The following COL27A1 variants were observed in gnomAD, a reference collection of about 807,000 sequenced individuals.
COL27A1 encodes collagen type XXVII alpha 1 chain, also known as collagen alpha-1(XXVII) chain.
A neutral mutation model predicts 251.3 loss-of-function variants in COL27A1; 106 were observed. That is an observed-to-expected ratio of 0.42 (90% CI 0.36 to 0.50). The LOEUF (loss-of-function observed/expected upper bound fraction) is 0.50. COL27A1 is among the 20% of genes least tolerant of loss of function. The probability of loss-of-function intolerance (pLI) is 0.00; values close to 1 mark genes in which losing one functional copy is unlikely to be tolerated. For missense variants in COL27A1, 2,325 were observed against 2,522.8 expected, an observed-to-expected ratio of 0.92 and a Z score of 1.68; for synonymous variants, 1,000 against 986.3, an observed-to-expected ratio of 1.01 and a Z score of -0.26.
intron 24 of COL27A1, among the ~76,000 whole-genome samples, chr9:114,248,227 C>T (rs1324631713): frequency 2.6e-5 from 4 of 152,196 alleles, no homozygotes; most frequent in African/African-American, 9.6e-5. Context: ...GGCTGCCAGG[C>T]CCTGGCCGAG....
intron 21 of COL27A1, among the ~76,000 whole-genome samples, chr9:114,241,544 G>A (rs928777669): frequency 4.6e-5 from 7 of 152,230 alleles, no homozygotes; most frequent in Admixed American, 2.0e-4. Context: ...CTCATGGGCC[G>A]GAAGCGGGAA....
At chr9:114,267,696 G>A in intron 34 of COL27A1, 139 bp downstream of exon 34, 1 of 836,132 alleles carries the variant, frequency 1.2e-6, no homozygotes, top group Non-Finnish European at 1.9e-6. Context: ...CTGGGGAGTG[G>A]GGCCTGGTTA....
At chr9:114,202,459 C>T (rs1181875656) in intron 7 of COL27A1, among the ~76,000 whole-genome samples, 1 of 152,184 alleles carries the variant, frequency 6.6e-6, no homozygotes, top group Non-Finnish European at 1.5e-5. Context: ...CTCCATTCAG[C>T]TCTTCACTGG....
chr9:114,173,340 A>G (rs771316784), intron 3 of COL27A1, among the ~76,000 whole-genome samples: 3 of 152,246 alleles, frequency 2.0e-5, no homozygotes, highest in Non-Finnish European at 4.4e-5. Flanking sequence ...GTGCTCTGTG[A>G]CTATCTATCT....
intron 3 of COL27A1, among the ~76,000 whole-genome samples, chr9:114,170,276 G>C (rs570337239): frequency 6.6e-6 from 1 of 152,244 alleles, no homozygotes; most frequent in Non-Finnish European, 1.5e-5. Context: ...GAAAGAACAC[G>C]ATTTGCAGGA....
chr9:114,300,197 C>A, intron 50 of COL27A1, 74 bp downstream of exon 50: 1 of 1,455,402 alleles, frequency 6.9e-7, no homozygotes, highest in Non-Finnish European at 9.6e-7. Context: ...ATTCATTCAA[C>A]AAATATTTAT....
In COL27A1 at chr9:114,300,670, G is replaced by T. The variant is rs1384217971; in HGVS notation, c.4684G>T (p.Gly1562Trp). ...CTTCAAAGGCATCCAGGGCCCTCGGGGGCCACCTGGCTTGATGGTGAGTTC... is the reference window on the plus strand; with the variant it reads ...CTTCAAAGGCATCCAGGGCCCTCGGTGGCCACCTGGCTTGATGGTGAGTTC... The part of the protein sequence containing the change: ...IGFKGIQGPR[G>W]PPGLMGKEGI... The change falls in exon 51 of 61, where the codon GGG becomes TGG. Residue 1562 changes from glycine to tryptophan, a missense_variant. Around this residue, in one of 4 missense-constraint regions of COL27A1, gnomAD observed 327 missense variants for 442.8 expected, o/e 0.74. Coordinates refer to ENST00000356083, the MANE Select transcript of COL27A1 (RefSeq NM_032888.4). The T allele has an allele frequency of 1.3e-6, 2 of 1,513,232 alleles. No homozygotes were observed. The highest frequency in any genetic ancestry group is 2.3e-5 in the Admixed American group (1 of 43,066). 93.7% of individuals were successfully genotyped at this position (1,513,232 alleles called of 1,614,324 possible). A position where few individuals can be genotyped will look rare whatever the true frequency, so the allele number is the denominator to read the frequency against.
chr9:114,246,346 T>C (rs1833130114), intron 24 of COL27A1, among the ~76,000 whole-genome samples: 1 of 151,310 alleles, frequency 6.6e-6, no homozygotes, highest in South Asian at 2.1e-4. Context: ...GAAGATGAAA[T>C]CCAAACCAGT....
chr9:114,228,695 G>A lies in COL27A1; in HGVS notation c.2467-2384G>A, dbSNP rs79514899. On this transcript the variant is annotated intron_variant, in intron 14 of 60. Transcript: ENST00000356083. ...ATGGGCTGTGGTGAGGAATTACTGG[G>A]TTAAAGCACGTCAAGTGCTTAGCAC... 2.6e-5 allele frequency among the ~76,000 whole-genome samples: 4 copies of A among 152,346 alleles called. No individual in the cohort carries two copies. The East Asian group carries it at 7.7e-4, about 29-fold the overall frequency.
chr9:114,301,503 G>T, intron 54 of COL27A1, 41 bp downstream of exon 54: 1 of 1,593,446 alleles, frequency 6.3e-7, no homozygotes, highest in Non-Finnish European at 8.5e-7. Context: ...CGGGGCGTGG[G>T]GCGGGCACCC....
intron 15 of COL27A1, among the ~76,000 whole-genome samples, 158 bp downstream of exon 15, chr9:114,231,290 G>T (rs1285072690): frequency 6.6e-6 from 1 of 152,216 alleles, no homozygotes; most frequent in Admixed American, 6.5e-5. Flanking sequence ...CAGGTCAGGA[G>T]CTGTCAGCTC....
chr9:114,178,445 C>A, intron 4 of COL27A1, 101 bp downstream of exon 4: 1 of 1,048,926 alleles, frequency 9.5e-7, no homozygotes, highest in Non-Finnish European at 1.5e-6. Context: ...TCAGGTTCTT[C>A]CCTCCCCCTC....
chr9:114,216,979 A>G (rs1023170118), intron 12 of COL27A1, among the ~76,000 whole-genome samples: 14 of 152,290 alleles, frequency 9.2e-5, no homozygotes, highest in Middle Eastern at 3.4e-3. Context: ...CACACTGCCT[A>G]GGTTCGAATC....
intron 35 of COL27A1, 41 bp downstream of exon 35, chr9:114,269,335 T>A (rs1296579188): frequency 6.7e-7 from 1 of 1,499,200 alleles, no homozygotes; most frequent in South Asian, 1.2e-5. Context: ...GCCCCCAGGG[T>A]GTGTGGGTGC....
At chr9:114,211,609 A>G (rs1263278274) in intron 12 of COL27A1, among the ~76,000 whole-genome samples, 1 of 152,238 alleles carries the variant, frequency 6.6e-6, no homozygotes, top group Middle Eastern at 3.2e-3. Flanking sequence ...TGTGCAGAAC[A>G]TGGAGAAAGA....
intron 1 of COL27A1, among the ~76,000 whole-genome samples, chr9:114,162,183 CCT>C (rs1229601339): frequency 6.6e-6 from 1 of 152,218 alleles, no homozygotes; most frequent in African/African-American, 2.4e-5. Context: ...TAAGGGGTCT[CCT>C]CTCTCCTGCC....
At chr9:114,239,321 C>A (rs1832603127) in intron 19 of COL27A1, among the ~76,000 whole-genome samples, 1 of 152,228 alleles carries the variant, frequency 6.6e-6, no homozygotes, top group Non-Finnish European at 1.5e-5. Context: ...GACCCAAAAT[C>A]ATTTTGGATG....
chr9:114,214,118 G>A (rs537156508), intron 12 of COL27A1, among the ~76,000 whole-genome samples: 154 of 152,254 alleles, frequency 1.0e-3, no homozygotes, highest in African/African-American at 3.5e-3. Context: ...CTCTGTCTCC[G>A]CTGGGCCTCT....
chr9:114,207,707 T>C (rs865960141), intron 10 of COL27A1, among the ~76,000 whole-genome samples: 1 of 152,120 alleles, frequency 6.6e-6, no homozygotes, highest in Non-Finnish European at 1.5e-5. Context: ...ATTTCTGAAG[T>C]AGGCAGAGGG....
Sources: allele counts gnomAD v4.1 joint callset (sites outside exome capture counted in the v4.1 genomes callset), GRCh38; gene constraint gnomAD v4.1.1; regional missense constraint gnomAD v4.1.1; transcripts MANE v1.5; gene names NCBI Gene and HGNC (gene_info 2026-07-23, HGNC 2026-07-21).